The following DGKI variants were observed in gnomAD, a reference collection of about 807,000 sequenced individuals.
DGKI encodes the protein DAG kinase iota.
A neutral mutation model predicts 147.5 loss-of-function variants in DGKI; 55 were observed. That is an observed-to-expected ratio of 0.37 (90% CI 0.30 to 0.47). The LOEUF (loss-of-function observed/expected upper bound fraction) is 0.47. Ranked by LOEUF, DGKI falls within the 20% of genes least tolerant of loss-of-function variation. DGKI has a pLI of 1.00. For synonymous variants in DGKI, 469 were observed against 477.1 expected, an observed-to-expected ratio of 0.98 and a Z score of 0.22; for missense variants, 1,007 against 1,323.8, an observed-to-expected ratio of 0.76 and a Z score of 3.71.
chr7:137,562,271 C>CA (rs1301029221), intron 19 of DGKI, among the ~76,000 whole-genome samples: 1 of 152,226 alleles, frequency 6.6e-6, no homozygotes, highest in Non-Finnish European at 1.5e-5. Flanking sequence ...CACAGTGGCT[C>CA]ACGCCTGTAA....
Position 137,464,212 on chromosome 7 carries a change from G to A in DGKI, c.2613-601C>T, listed in dbSNP as rs573840954. ...GCGGAGCTTGCAGTGAGCCAAGATC[G>A]CACCACTGCACTCCAGTCTGGGTGA... On this transcript the variant is annotated intron_variant, in intron 26 of 32. Transcript: ENST00000614521. Among the ~76,000 whole-genome samples the A allele has an allele frequency of 1.4e-4, 19 of 137,124 alleles. No homozygotes were observed. In the Admixed American group the frequency reaches 1.5e-3, roughly 11 times the overall value. 90.0% of individuals were successfully genotyped at this position (137,124 alleles called of 152,430 possible).
chr7:137,564,496 AAT>A (rs1266314527), intron 19 of DGKI, among the ~76,000 whole-genome samples: 2 of 152,188 alleles, frequency 1.3e-5, no homozygotes, highest in Admixed American at 1.3e-4. Context: ...TTGTATCCAG[AAT>A]ATATCTCTTC....
intron 1 of DGKI, among the ~76,000 whole-genome samples, chr7:137,715,108 A>G (rs779190983): frequency 1.1e-4 from 16 of 152,158 alleles, no homozygotes; most frequent in Non-Finnish European, 2.1e-4. Flanking sequence ...TCTTTTCTAC[A>G]TCTTGCTTTT....
chr7:137,452,052 C>G (rs1316917276), intron 27 of DGKI, among the ~76,000 whole-genome samples: 1 of 152,148 alleles, frequency 6.6e-6, no homozygotes, highest in South Asian at 2.1e-4. Flanking sequence ...ATATGGGACT[C>G]TTACTTTCTG....
intron 27 of DGKI, among the ~76,000 whole-genome samples, chr7:137,453,929 T>TG (rs1246281773): frequency 6.6e-6 from 1 of 151,960 alleles, no homozygotes. Context: ...ATCTTGTTTT[T>TG]TTTTTTTTTA....
chr7:137,529,008 A>G (rs1817246273), intron 20 of DGKI, among the ~76,000 whole-genome samples: 2 of 152,326 alleles, frequency 1.3e-5, no homozygotes, highest in South Asian at 2.1e-4. Context: ...TATCAAAGAA[A>G]TATTTGCTGC....
chr7:137,601,395 C>T (rs1039965128), intron 10 of DGKI, among the ~76,000 whole-genome samples: 2 of 152,096 alleles, frequency 1.3e-5, no homozygotes, highest in African/African-American at 4.8e-5. Context: ...CCAGTTGAGC[C>T]GAGTTTGTTG....
At chr7:137,446,205 A>C (rs924830693) in intron 27 of DGKI, among the ~76,000 whole-genome samples, 22 of 152,250 alleles carry the variant, frequency 1.4e-4, no homozygotes, top group Admixed American at 1.4e-3. Flanking sequence ...CCCTGATATT[A>C]AATCTGAAAA....
intron 1 of DGKI, among the ~76,000 whole-genome samples, chr7:137,809,037 T>A (rs1311102964): frequency 3.3e-5 from 5 of 152,224 alleles, no homozygotes; most frequent in South Asian, 2.1e-4. Flanking sequence ...AGAAAAGAAT[T>A]GGGGCACAGA....
At chr7:137,709,427 A>C (rs1433342221) in intron 1 of DGKI, among the ~76,000 whole-genome samples, 3 of 152,236 alleles carry the variant, frequency 2.0e-5, no homozygotes, top group African/African-American at 7.2e-5. Context: ...TAAATCTGAA[A>C]GATTCCACTC....
chr7:137,824,302 A>G (rs1797991369), intron 1 of DGKI, among the ~76,000 whole-genome samples: 1 of 152,174 alleles, frequency 6.6e-6, no homozygotes, highest in South Asian at 2.1e-4. Context: ...GGATAACCTG[A>G]GGTCAGGAGT....
At chr7:137,636,825 T>C (rs1319748816) in intron 6 of DGKI, among the ~76,000 whole-genome samples, 1 of 152,174 alleles carries the variant, frequency 6.6e-6, no homozygotes, top group Non-Finnish European at 1.5e-5. Flanking sequence ...CATCTGATTG[T>C]TGGGTGACAC....
intron 1 of DGKI, among the ~76,000 whole-genome samples, chr7:137,698,023 AACAG>A (rs1823850548): frequency 6.6e-6 from 1 of 151,250 alleles, no homozygotes; most frequent in African/African-American, 2.4e-5. Flanking sequence ...TAGATAGATA[AACAG>A]ACAGATAGAT....
rs1816972473 is a variant in DGKI at position 137,521,887 on chromosome 7, T to C, written c.2227A>G (p.Lys743Glu). ...LQDYEGFHYD[K>E]EKLREASIPL... ...TTACAAGCTTCTCGGAGTTTCTCCTTGTCATAGTGGAATCCTTCATAGTCT... is the reference window on the plus strand; with the variant it reads ...TTACAAGCTTCTCGGAGTTTCTCCTCGTCATAGTGGAATCCTTCATAGTCT... Residue 743 changes from lysine (K) to glutamate (E), a missense_variant, in exon 21 of 33, where the codon AAG becomes GAG. Physicochemically the swap from Lys to Glu is moderately conservative, Grantham distance 56 (BLOSUM62 1). Coordinates refer to ENST00000614521, the MANE Select transcript of DGKI (RefSeq NM_001321708.2). 3 of 1,611,504 alleles carry C rather than the reference T, an allele frequency of 1.9e-6. No homozygotes were observed. The highest frequency in any genetic ancestry group is 1.3e-5 in the African/African-American group (1 of 74,766).
intron 6 of DGKI, among the ~76,000 whole-genome samples, chr7:137,634,208 A>C (rs758967847): frequency 6.6e-6 from 1 of 152,214 alleles, no homozygotes; most frequent in African/African-American, 2.4e-5. Flanking sequence ...AATGTGATCC[A>C]TTTATTGGAT....
At chr7:137,588,475 C>CTTCT (rs1554437480) in intron 12 of DGKI, among the ~76,000 whole-genome samples, 20 of 116,722 alleles carry the variant, frequency 1.7e-4, no homozygotes, top group African/African-American at 6.9e-4. Context: ...CATACCGATG[C>CTTCT]TTTTTTTTTT....
chr7:137,688,786 C>A (rs1585373154), intron 2 of DGKI, among the ~76,000 whole-genome samples: 1 of 152,118 alleles, frequency 6.6e-6, no homozygotes, highest in South Asian at 2.1e-4. Flanking sequence ...AAATAGCTGT[C>A]CTGGAATAAA....
chr7:137,386,990 T>A lies in DGKI; in HGVS notation c.*4230A>T, dbSNP rs185652254. 4.5e-4 allele frequency: 69 copies of A among 152,284 alleles called. No homozygotes were observed. The East Asian group carries it at 0.012, about 26-fold the overall frequency. 9.4% of individuals were successfully genotyped at this position (152,284 alleles called of 1,614,324 possible). A position where few individuals can be genotyped will look rare whatever the true frequency, so the allele number is the denominator to read the frequency against. ...TGAGCCATTTTAACAAAGTCCCATT[T>A]TTAAATAGCATAATTGAATAAAATA... is the stretch of plus-strand genomic sequence containing the variant. On this transcript the variant is annotated 3_prime_UTR_variant, in exon 33 of 33. Coordinates refer to ENST00000614521, the MANE Select transcript of DGKI (RefSeq NM_001321708.2).
intron 21 of DGKI, chr7:137,493,904 A>T: frequency 1.6e-6 from 1 of 620,740 alleles, no homozygotes; most frequent in Non-Finnish European, 2.9e-6. Context: ...GGAGAAAGTT[A>T]ACACCCAATC....
Sources: allele counts gnomAD v4.1 joint callset (sites outside exome capture counted in the v4.1 genomes callset), GRCh38; gene constraint gnomAD v4.1.1; transcripts MANE v1.5; gene names NCBI Gene and HGNC (gene_info 2026-07-23, HGNC 2026-07-21).